The following FNDC3B variants were observed in gnomAD, a reference collection of about 807,000 sequenced individuals.
FNDC3B encodes the protein fibronectin type III domain-containing protein 3B.
In FNDC3B, 12 loss-of-function variants were observed where a neutral mutation model predicts 151.5. That is an observed-to-expected ratio of 0.08 (90% CI 0.05 to 0.13). The LOEUF (loss-of-function observed/expected upper bound fraction) is 0.13, where lower values mean the gene tolerates loss of function less well. FNDC3B is among the 10% of genes least tolerant of loss of function. FNDC3B has a pLI of 1.00. For missense variants in FNDC3B, 1,214 were observed against 1,505.3 expected (o/e 0.81, Z 3.20); for synonymous variants, 528 against 549.0 (o/e 0.96, Z 0.54).
At chr3:172,320,154 T>C (rs535789088) in intron 11 of FNDC3B, among the ~76,000 whole-genome samples, 1 of 152,184 alleles carries the variant, frequency 6.6e-6, no homozygotes, top group African/African-American at 2.4e-5. Context: ...CCGAGGCAGG[T>C]GGATCACCTG....
intron 2 of FNDC3B, among the ~76,000 whole-genome samples, chr3:172,127,630 A>G (rs1030561936): frequency 6.6e-6 from 1 of 152,204 alleles, no homozygotes; most frequent in Non-Finnish European, 1.5e-5. Flanking sequence ...GACACATGTG[A>G]TATTGAGGAT....
Position 172,075,723 on chromosome 3 carries a change from AAAC to A in FNDC3B, c.-29+35954_-29+35956del, listed in dbSNP as rs1717975004. On this transcript the variant is annotated intron_variant, in intron 1 of 25. Transcript: ENST00000415807. ...AACATATTTTACATTGTAGCCCAGT[AAAC>A]ACACACACACACACACACACACACA... 3.4e-5 allele frequency among the ~76,000 whole-genome samples: 3 copies of A among 88,224 alleles called. No homozygotes were observed. In the South Asian group the frequency reaches 9.5e-4, roughly 28 times the overall value. The allele number at this position is 88,224 out of a possible 152,430, so 57.9% of individuals were successfully genotyped here. A position where few individuals can be genotyped will look rare whatever the true frequency, so the allele number is the denominator to read the frequency against.
intron 3 of FNDC3B, among the ~76,000 whole-genome samples, chr3:172,213,807 T>C (rs1725843762): frequency 6.6e-6 from 1 of 152,200 alleles, no homozygotes; most frequent in Non-Finnish European, 1.5e-5. Context: ...CTTTTTCAGC[T>C]CAGGATAAAC....
chr3:172,348,331 C>T (rs1733703594), intron 21 of FNDC3B, among the ~76,000 whole-genome samples: 1 of 152,242 alleles, frequency 6.6e-6, no homozygotes, highest in Non-Finnish European at 1.5e-5. Flanking sequence ...TCAACTGAAG[C>T]ATTTCTGTTA....
intron 3 of FNDC3B, chr3:172,225,556 A>G (rs1487176436): frequency 5.9e-6 from 1 of 168,866 alleles, no homozygotes; most frequent in Non-Finnish European, 1.3e-5. Context: ...AATGAAGGCC[A>G]CTCATTTTGC....
intron 7 of FNDC3B, among the ~76,000 whole-genome samples, chr3:172,287,488 G>A (rs1730088223): frequency 6.6e-6 from 1 of 152,200 alleles, no homozygotes; most frequent in Non-Finnish European, 1.5e-5. Flanking sequence ...GCAGTATAAG[G>A]GAGAGATCAG....
chr3:172,233,342 A>G (rs1463058240), intron 4 of FNDC3B, among the ~76,000 whole-genome samples: 2 of 152,244 alleles, frequency 1.3e-5, no homozygotes, highest in East Asian at 3.8e-4. Flanking sequence ...TTGTGAGAGC[A>G]GAAACAACAA....
chr3:172,083,538 C>G (rs1164058007), intron 1 of FNDC3B, among the ~76,000 whole-genome samples: 1 of 152,204 alleles, frequency 6.6e-6, no homozygotes, highest in Non-Finnish European at 1.5e-5. Flanking sequence ...TATGTAGAAG[C>G]ATGAGAGACC....
At chr3:172,185,392 TA>T (rs1156389263) in intron 3 of FNDC3B, among the ~76,000 whole-genome samples, 4 of 152,200 alleles carry the variant, frequency 2.6e-5, no homozygotes, top group African/African-American at 9.7e-5. Flanking sequence ...GGAAAACACC[TA>T]ATCCTGTGCA....
intron 23 of FNDC3B, among the ~76,000 whole-genome samples, chr3:172,369,977 T>C (rs1303608057): frequency 6.6e-6 from 1 of 151,780 alleles, no homozygotes; most frequent in Non-Finnish European, 1.5e-5. Context: ...AAAAAAGACA[T>C]GTCATTTTTA....
chr3:172,157,988 G>A (rs1213802233), intron 3 of FNDC3B, among the ~76,000 whole-genome samples: 1 of 152,174 alleles, frequency 6.6e-6, no homozygotes, highest in Non-Finnish European at 1.5e-5. Context: ...CATGATTAAA[G>A]AGACCAGAGG....
At chr3:172,373,274 G>A (rs1186846734) in intron 23 of FNDC3B, among the ~76,000 whole-genome samples, 1 of 152,176 alleles carries the variant, frequency 6.6e-6, no homozygotes, top group East Asian at 1.9e-4. Flanking sequence ...CCCCAGGGTT[G>A]AAGCAATGCA....
intron 6 of FNDC3B, among the ~76,000 whole-genome samples, chr3:172,284,278 AAAAC>A: frequency 6.6e-6 from 1 of 152,164 alleles, no homozygotes; most frequent in Non-Finnish European, 1.5e-5. Context: ...ATGCGTTATG[AAAAC>A]AAACAAAAAG....
At chr3:172,093,016 C>T (rs1718917201) in intron 1 of FNDC3B, among the ~76,000 whole-genome samples, 1 of 152,058 alleles carries the variant, frequency 6.6e-6, no homozygotes, top group Non-Finnish European at 1.5e-5. Flanking sequence ...TGGCATCTTT[C>T]TATGTTGTCC....
intron 1 of FNDC3B, among the ~76,000 whole-genome samples, chr3:172,104,817 A>G (rs1459521655): frequency 1.3e-5 from 2 of 152,138 alleles, no homozygotes; most frequent in African/African-American, 2.4e-5. Context: ...TTGTGTTTCT[A>G]TTTTGTTTTA....
intron 11 of FNDC3B, among the ~76,000 whole-genome samples, chr3:172,323,905 T>A (rs1373444824): frequency 6.6e-6 from 1 of 152,144 alleles, no homozygotes; most frequent in African/African-American, 2.4e-5. Flanking sequence ...CAGGTGCTCA[T>A]AGAGTATGTA....
intron 11 of FNDC3B, among the ~76,000 whole-genome samples, chr3:172,318,777 T>C (rs1731940442): frequency 6.6e-6 from 1 of 152,182 alleles, no homozygotes; most frequent in South Asian, 2.1e-4. Context: ...CTGTGGGGAT[T>C]GGAAAGTGGG....
intron 3 of FNDC3B, among the ~76,000 whole-genome samples, chr3:172,212,545 C>T (rs946560493): frequency 3.3e-5 from 5 of 152,262 alleles, no homozygotes; most frequent in Non-Finnish European, 2.9e-5. Context: ...GAAATTTTGA[C>T]GTAGCACATT....
intron 1 of FNDC3B, 36 bp downstream of exon 1, chr3:172,039,807 G>A (rs1362839307): frequency 6.5e-6 from 1 of 152,746 alleles, no homozygotes; most frequent in Non-Finnish European, 1.5e-5. Context: ...AGAGGAGACC[G>A]GGACCCCGAG....
Sources: gnomAD v4.1 joint callset for allele counts (sites outside exome capture counted in the v4.1 genomes callset) on GRCh38, gnomAD v4.1.1 for gene constraint, MANE v1.5 for transcripts, NCBI Gene and HGNC (gene_info 2026-07-23, HGNC 2026-07-21) for gene names.